The following REDIC1 variants were observed in gnomAD, a reference collection of about 807,000 sequenced individuals.
REDIC1 encodes regulator of DNA class I crossover intermediates 1, also known as HEI10 Interacting Protein 1.
the REDIC1 span, chr12:39,760,306 G>A: frequency 1.3e-6 from 2 of 1,495,028 alleles, no homozygotes; most frequent in Non-Finnish European, 9.1e-7. Context: ...AGAGGCTTAA[G>A]TTGGAAAGAT....
the REDIC1 span, among the ~76,000 whole-genome samples, chr12:39,639,431 A>G: frequency 6.6e-6 from 1 of 152,028 alleles, no homozygotes; most frequent in Non-Finnish European, 1.5e-5. Flanking sequence ...AGTATATTAA[A>G]GAACATATTC....
At chr12:39,798,198 C>G in the REDIC1 span, among the ~76,000 whole-genome samples, 1 of 152,144 alleles carries the variant, frequency 6.6e-6, no homozygotes, top group Non-Finnish European at 1.5e-5. Flanking sequence ...GCCAGGCACA[C>G]GAGGAAGCCA....
the REDIC1 span, among the ~76,000 whole-genome samples, chr12:39,801,400 A>G: frequency 1.3e-5 from 2 of 151,908 alleles, no homozygotes; most frequent in Admixed American, 1.3e-4. Context: ...AGGCATAAAC[A>G]AAACATAAAG....
the REDIC1 span, among the ~76,000 whole-genome samples, chr12:39,659,060 T>C: frequency 6.6e-6 from 1 of 152,100 alleles, no homozygotes; most frequent in South Asian, 2.1e-4. Flanking sequence ...AGACTTAACA[T>C]TTCTTCTATT....
chr12:39,775,495 G>T, the REDIC1 span, among the ~76,000 whole-genome samples: 1 of 152,202 alleles, frequency 6.6e-6, no homozygotes, highest in South Asian at 2.1e-4. Context: ...TCTGCCTTGG[G>T]GAGGGTCCAC....
the REDIC1 span, among the ~76,000 whole-genome samples, chr12:39,765,642 TTGA>T: frequency 6.6e-6 from 1 of 152,106 alleles, no homozygotes; most frequent in African/African-American, 2.4e-5. Context: ...TCCACCTGTC[TTGA>T]TGATTTGGGT....
chr12:39,739,409 C>G, the REDIC1 span, among the ~76,000 whole-genome samples: 5 of 152,008 alleles, frequency 3.3e-5, no homozygotes, highest in East Asian at 9.6e-4. Context: ...ACCTATTGAG[C>G]GCAGGCATTG....
chr12:39,654,903 C>G, the REDIC1 span, among the ~76,000 whole-genome samples: 1 of 152,050 alleles, frequency 6.6e-6, no homozygotes, highest in Non-Finnish European at 1.5e-5. Context: ...ATTACTAATT[C>G]ATTTTCTTGT....
chr12:39,739,933 C>T, the REDIC1 span, among the ~76,000 whole-genome samples: 1 of 152,204 alleles, frequency 6.6e-6, no homozygotes. Context: ...TCTTCCTCAG[C>T]TTACACGAAT....
the REDIC1 span, chr12:39,650,187 G>GTA: frequency 7.0e-7 from 1 of 1,427,232 alleles, no homozygotes; most frequent in East Asian, 2.6e-5. This position sits in a 1 kb window ranked among gnomAD's most constrained non-coding sequence, Gnocchi z 4.3. Flanking sequence ...AATTTAAATT[G>GTA]TATATATGTA....
At chr12:39,764,492 A>G in the REDIC1 span, 4 of 1,605,804 alleles carry the variant, frequency 2.5e-6, no homozygotes, top group Non-Finnish European at 3.4e-6. Context: ...TGTGTGTAAA[A>G]ATGTTAGTGA....
the REDIC1 span, among the ~76,000 whole-genome samples, chr12:39,722,841 G>A: frequency 6.6e-6 from 1 of 152,110 alleles, no homozygotes; most frequent in Non-Finnish European, 1.5e-5. Flanking sequence ...GCTTCTGGGA[G>A]GTAACCTCCA....
chr12:39,734,258 G>T, the REDIC1 span, among the ~76,000 whole-genome samples: 1 of 152,284 alleles, frequency 6.6e-6, no homozygotes, highest in Middle Eastern at 3.4e-3. Flanking sequence ...ACCAGTCCCA[G>T]TAGGATGAGC....
chr12:39,805,167 T>C, the REDIC1 span, among the ~76,000 whole-genome samples: 1 of 149,914 alleles, frequency 6.7e-6, no homozygotes, highest in Non-Finnish European at 1.5e-5. Flanking sequence ...AGTTGTGTGT[T>C]GGACGTGGCC....
chr12:39,822,808 A>G, the REDIC1 span, among the ~76,000 whole-genome samples: 2 of 152,372 alleles, frequency 1.3e-5, no homozygotes, highest in Admixed American at 1.3e-4. Flanking sequence ...TGAAAATGAA[A>G]GGTAGTTAAA....
At chr12:39,787,304 G>A in the REDIC1 span, among the ~76,000 whole-genome samples, 1 of 152,160 alleles carries the variant, frequency 6.6e-6, no homozygotes, top group South Asian at 2.1e-4. Context: ...AGCATGAAAT[G>A]AAATTAGTAT....
the REDIC1 span, among the ~76,000 whole-genome samples, chr12:39,723,800 A>G: frequency 2.0e-5 from 3 of 152,132 alleles, no homozygotes; most frequent in Admixed American, 6.6e-5. Flanking sequence ...TTGGTTCACA[A>G]CAACTCTAGG....
the REDIC1 span, among the ~76,000 whole-genome samples, chr12:39,839,128 T>C: frequency 6.6e-6 from 1 of 152,078 alleles, no homozygotes; most frequent in African/African-American, 2.4e-5. Flanking sequence ...TACTATCCCC[T>C]TCCTCACTGC....
the REDIC1 span, among the ~76,000 whole-genome samples, chr12:39,711,063 G>A: frequency 6.6e-6 from 1 of 151,152 alleles, no homozygotes; most frequent in African/African-American, 2.4e-5. Context: ...TTCCCCCCAA[G>A]TTCCCAAAGT....
Sources: gnomAD v4.1 joint callset for allele counts (sites outside exome capture counted in the v4.1 genomes callset) on GRCh38, gnomAD v4.1.1 for gene constraint, Gnocchi (gnomAD v3.1) non-coding constraint, MANE v1.5 for transcripts, NCBI Gene and HGNC (gene_info 2026-07-23, HGNC 2026-07-21) for gene names.